Variants in BLNK observed in about 807,000 individuals in gnomAD.
BLNK encodes the protein B cell linker, also known as B-cell linker protein.
In BLNK, 29 loss-of-function variants were observed where a neutral mutation model predicts 73.5. The observed-to-expected ratio is 0.39, with a 90% CI of 0.29 to 0.54. BLNK has a LOEUF of 0.54. Among genes scored for constraint, BLNK ranks in the 20% least tolerant of loss-of-function variants. BLNK has a pLI of 0.61. For synonymous variants in BLNK, 176 were observed against 200.8 expected (o/e 0.88, Z 1.04); for missense variants, 460 against 562.8 (o/e 0.82, Z 1.85).
rs1554902805 is a variant in BLNK, at chr10:96,227,492, A to G, written c.279T>C (p.Asp93=). 6.2e-7 allele frequency: 1 copy of G among 1,614,238 alleles called. No individual in the cohort carries two copies. The highest frequency in any genetic ancestry group is 2.2e-5 in the East Asian group (1 of 44,886). The part of the protein sequence containing the change: ...MYVMPAEENA[D]DSYEPPPVEQ... Reference sequence around the variant, plus strand: ...CTACTGGAGGCGGCTCGTAGCTGTCATCAGCGTTCTCCTCGGCGGGCATCA... The same window carrying G: ...CTACTGGAGGCGGCTCGTAGCTGTCGTCAGCGTTCTCCTCGGCGGGCATCA... The change falls in exon 5 of 17, where the codon GAT becomes GAC. Residue 93 remains aspartate, a synonymous_variant. Transcript: ENST00000224337.
chr10:96,266,236 C>T (rs1363805845), intron 1 of BLNK, among the ~76,000 whole-genome samples: 1 of 152,188 alleles, frequency 6.6e-6, no homozygotes, highest in African/African-American at 2.4e-5. Flanking sequence ...AAGAGTTTGG[C>T]ACCAGCCCAG....
intron 13 of BLNK, among the ~76,000 whole-genome samples, chr10:96,203,268 T>C (rs2083698545): frequency 4.6e-5 from 7 of 152,192 alleles, no homozygotes. Context: ...GCCAAATCAT[T>C]TTCACTTTGT....
rs1554895717 is a variant in BLNK, at chr10:96,200,080, T to C, written c.1090A>G (p.Asn364Asp). 6.2e-7 allele frequency: 1 copy of C among 1,604,354 alleles called. No homozygotes were observed. The highest frequency in any genetic ancestry group is 2.2e-5 in the East Asian group (1 of 44,682). ...AATAATAAAAATGATCAGACCTTGT[T>C]TGATCTGTGCAATGCCTCTTCAGCA... ...KSAEEALHRS[N>D]KDGSFLIRKS... Residue 364 changes from asparagine (N) to aspartate (D), a missense_variant, in exon 15 of 17, where the codon AAC becomes GAC. Physicochemically the swap from Asn to Asp is conservative, Grantham distance 23. Around this residue, in one of 3 missense-constraint regions of BLNK, gnomAD observed 88 missense variants for 143.4 expected, o/e 0.61. Coordinates refer to ENST00000224337, the MANE Select transcript of BLNK (RefSeq NM_013314.4). The surrounding 1 kb of genome is among the most constrained non-coding windows in gnomAD (Gnocchi z 4.3).
At chr10:96,251,845 G>A (rs1484487528) in intron 1 of BLNK, among the ~76,000 whole-genome samples, 9 of 152,032 alleles carry the variant, frequency 5.9e-5, no homozygotes, top group African/African-American at 2.2e-4. Context: ...TCTGAATCTC[G>A]AGAGATTTAA....
chr10:96,267,681 G>T (rs1844072588), intron 1 of BLNK, among the ~76,000 whole-genome samples: 1 of 152,180 alleles, frequency 6.6e-6, no homozygotes, highest in Non-Finnish European at 1.5e-5. Flanking sequence ...GAGAAGGAAT[G>T]TTTGTCACAT....
At chr10:96,239,426 T>C (rs1842812111) in intron 3 of BLNK, among the ~76,000 whole-genome samples, 1 of 152,210 alleles carries the variant, frequency 6.6e-6, no homozygotes, top group Admixed American at 6.5e-5. Context: ...TGAAAGACCT[T>C]GTATGTGGGC....
chr10:96,219,407 C>T (rs2084143466), intron 6 of BLNK, among the ~76,000 whole-genome samples: 1 of 152,192 alleles, frequency 6.6e-6, no homozygotes, highest in Non-Finnish European at 1.5e-5. Flanking sequence ...GCGTTAGTTC[C>T]TATAAAAGGA....
chr10:96,208,340 G>T (rs1190002036), intron 9 of BLNK, among the ~76,000 whole-genome samples: 1 of 152,144 alleles, frequency 6.6e-6, no homozygotes, highest in Non-Finnish European at 1.5e-5. Context: ...GAGGTAAGAG[G>T]GTGGTCCAGC....
chr10:96,271,504 C>T lies in BLNK; in HGVS notation c.-106G>A, dbSNP rs140384093. 3.4e-5 allele frequency: 41 copies of T among 1,205,636 alleles called. No homozygotes were observed. The highest frequency in any genetic ancestry group is 1.9e-4 in the South Asian group (16 of 82,096). The allele number at this position is 1,205,636 out of a possible 1,614,324, so 74.7% of individuals were successfully genotyped here. On this transcript the variant is annotated 5_prime_UTR_variant, in exon 1 of 17. Coordinates refer to ENST00000224337, the MANE Select transcript of BLNK (RefSeq NM_013314.4). The stretch of plus-strand genomic sequence containing the variant: ...GGTAAGCCTCTGGTCTCAAGGGTTC[C>T]GGCCACTCAAGTCTGATTTCTGAGA...
chr10:96,260,944 A>C (rs1843730993), intron 1 of BLNK, among the ~76,000 whole-genome samples: 1 of 152,056 alleles, frequency 6.6e-6, no homozygotes, highest in African/African-American at 2.4e-5. Flanking sequence ...CCCTGGCTCA[A>C]GTGATCCTCC....
At chr10:96,227,318 C>T (rs1842308169) in intron 5 of BLNK, 92 bp downstream of exon 5, 1 of 1,528,606 alleles carries the variant, frequency 6.5e-7, no homozygotes, top group Non-Finnish European at 8.8e-7. Context: ...CCTCAAGCAG[C>T]AGCCAGGTTT....
chr10:96,240,447 A>T (rs1842849412), intron 3 of BLNK, among the ~76,000 whole-genome samples: 1 of 152,118 alleles, frequency 6.6e-6, no homozygotes, highest in Non-Finnish European at 1.5e-5. Context: ...ATTTTAAGAG[A>T]TGGGATCTCG....
chr10:96,260,785 T>A (rs1332080635), intron 1 of BLNK, among the ~76,000 whole-genome samples: 1 of 152,196 alleles, frequency 6.6e-6, no homozygotes, highest in Non-Finnish European at 1.5e-5. Flanking sequence ...GCATTGTAAT[T>A]CATTAAAAGC....
rs587613453 is a variant in BLNK, at chr10:96,189,365, G to A, written c.*2608C>T. ...CAAATTGTTTAAACTATTTTCTAAA[G>A]AGACTTCCTCCACTGCCAGGATCTT... On this transcript the variant is annotated 3_prime_UTR_variant, in exon 17 of 17. Transcript: ENST00000224337. 1 of 567,658 alleles carries A rather than the reference G, an allele frequency of 1.8e-6. No individual in the cohort carries two copies. The highest frequency in any genetic ancestry group is 1.4e-5 in the South Asian group (1 of 69,132). The allele number at this position is 567,658 out of a possible 1,614,324, so 35.2% of individuals were successfully genotyped here.
Position 96,246,980 on chromosome 10 carries a change from T to A in BLNK, c.113+4A>T, listed in dbSNP as rs1554907782. Reference sequence around the variant, plus strand: ...ATTAAGTATTTAAATAGAGGCGAACTTACTTTTTGATTTTATTCATTATTC... The same window carrying A: ...ATTAAGTATTTAAATAGAGGCGAACATACTTTTTGATTTTATTCATTATTC... On this transcript the variant is annotated splice_donor_region_variant and intron_variant, in intron 2 of 16. Coordinates refer to ENST00000224337, the MANE Select transcript of BLNK (RefSeq NM_013314.4). 5 of 1,590,684 alleles carry A rather than the reference T, an allele frequency of 3.1e-6. No homozygotes were observed. Among genetic ancestry groups the A allele is most frequent in the African/African-American group, 1.3e-5 (1 of 74,298 alleles).
At chr10:96,205,173 G>A (rs2083764361) in intron 11 of BLNK, 1 of 158,864 alleles carries the variant, frequency 6.3e-6, no homozygotes, top group Admixed American at 6.0e-5. Context: ...GTGTTTTCCT[G>A]AGCAGAAGAG....
chr10:96,209,892 G>T lies in BLNK; in HGVS notation c.692C>A (p.Ala231Asp), dbSNP rs2083907915. The change falls in exon 9 of 17, where the codon GCC (alanine) becomes GAC (aspartate). Residue 231 changes from alanine (A) to aspartate (D), a missense_variant. Ala to Asp is a moderately radical substitution (Grantham distance 126). Coordinates refer to ENST00000224337, the MANE Select transcript of BLNK (RefSeq NM_013314.4). ...TGGTGGAGGTGACTTGGTTTCCCAG[G>T]CCCCACTGTTTCGACCTGCACAAAC... ...PGTASGRNSG[A>D]WETKSPPPAA... The T allele has an allele frequency of 1.2e-6, 2 of 1,614,170 alleles. No individual in the cohort carries two copies. Among genetic ancestry groups the T allele is most frequent in the East Asian group, 2.2e-5 (1 of 44,878 alleles).
At chr10:96,244,378 C>T (rs1554907080) in intron 2 of BLNK, among the ~76,000 whole-genome samples, 1 of 152,144 alleles carries the variant, frequency 6.6e-6, no homozygotes. Context: ...ATTTTACTAC[C>T]CCCAAATAAT....
chr10:96,230,456 G>A (rs1424462606), intron 4 of BLNK, among the ~76,000 whole-genome samples: 5 of 152,196 alleles, frequency 3.3e-5, no homozygotes, highest in African/African-American at 1.2e-4. Context: ...GGAGTTTAGG[G>A]CAGAGGCATT....
Sources: gnomAD v4.1 joint callset for allele counts (sites outside exome capture counted in the v4.1 genomes callset) on GRCh38, gnomAD v4.1.1 for gene constraint, gnomAD v4.1.1 regional missense constraint, Gnocchi (gnomAD v3.1) non-coding constraint, MANE v1.5 for transcripts, NCBI Gene and HGNC (gene_info 2026-07-23, HGNC 2026-07-21) for gene names.